The following DNAJB2 variants were observed in gnomAD, a reference collection of about 807,000 sequenced individuals.
DNAJB2 encodes the protein dnaJ homolog subfamily B member 2.
DNAJB2 carries 19 observed loss-of-function variants against 33.3 expected under a neutral mutation model. The ratio of observed to expected loss-of-function variants is 0.57; its 90% CI spans 0.40 to 0.84. The LOEUF is 0.84. DNAJB2 is among the 40% of genes least tolerant of loss of function. The pLI, the probability that DNAJB2 is intolerant of heterozygous loss-of-function variation, is 0.00. For missense variants in DNAJB2, 368 were observed against 430.9 expected (o/e 0.85, Z 1.29); for synonymous variants, 172 against 164.6 (o/e 1.04, Z -0.34).
intron 2 of DNAJB2, 84 bp from the exon 3 acceptor site, chr2:219,280,494 A>G (rs1475137553): frequency 1.3e-5 from 14 of 1,081,264 alleles, no homozygotes; most frequent in Non-Finnish European, 1.9e-5. Context: ...TGATAGGCTA[A>G]TGGGAAAACA....
rs2125083744 is a variant in DNAJB2 at position 219,284,751 on chromosome 2, A to G, written c.739A>G (p.Ser247Gly). The change falls in exon 9 of 9, where the codon AGC becomes GGC. Residue 247 changes from serine (S) to glycine (G), a missense_variant. Transcript: ENST00000336576. Reference protein sequence around the residue: ...QQTPASCPLDSDLSEDEDLQL... With the variant: ...QQTPASCPLDGDLSEDEDLQL... ...GACCCCTGCCTCATGCCCCTTGGAC[A>G]GCGACCTCTCTGAGGATGAGGACCT... 3 of 1,613,584 alleles carry G rather than the reference A, an allele frequency of 1.9e-6. No homozygotes were observed. Among genetic ancestry groups the G allele is most frequent in the Non-Finnish European group, 1.7e-6 (2 of 1,179,976 alleles).
intron 5 of DNAJB2, 181 bp from the exon 6 acceptor site, chr2:219,282,652 GAATT>G (rs770987622): frequency 8.0e-5 from 43 of 538,512 alleles, no homozygotes; most frequent in Non-Finnish European, 1.2e-4. Flanking sequence ...ATTGTGGACA[GAATT>G]AACCAGTGAG....
chr2:219,284,539 C>A, intron 8 of DNAJB2, 93 bp from the exon 9 acceptor site: 1 of 1,457,340 alleles, frequency 6.9e-7, no homozygotes, highest in African/African-American at 1.4e-5. Context: ...AAATAAGAGA[C>A]TCTAAGTGGT....
At chr2:219,280,740 C>T in intron 3 of DNAJB2, 53 bp downstream of exon 3, 2 of 1,334,182 alleles carry the variant, frequency 1.5e-6, no homozygotes, top group African/African-American at 1.5e-5. Context: ...CTTCATGCCC[C>T]AGCTCACATT....
intron 5 of DNAJB2, 47 bp downstream of exon 5, chr2:219,282,108 G>A: frequency 6.2e-7 from 1 of 1,613,758 alleles, no homozygotes; most frequent in Non-Finnish European, 8.5e-7. Context: ...TCCCCCTCCA[G>A]GCCTGTCCTT....
Position 219,285,186 on chromosome 2 carries a change from G to A in DNAJB2, c.*199G>A. ...CTCAGCCCAGGGCTGATAGGTCCCTGGTGAAGCCCAGGGTGGGGGGTGTCA... is the reference window on the plus strand; with the variant it reads ...CTCAGCCCAGGGCTGATAGGTCCCTAGTGAAGCCCAGGGTGGGGGGTGTCA... On this transcript the variant is annotated 3_prime_UTR_variant, in exon 9 of 9. Transcript: ENST00000336576. 7.9e-7 allele frequency: 1 copy of A among 1,263,466 alleles called. No individual in the cohort carries two copies. Among genetic ancestry groups the A allele is most frequent in the East Asian group, 3.0e-5 (1 of 33,670 alleles). The allele number at this position is 1,263,466 out of a possible 1,614,324, so 78.3% of individuals were successfully genotyped here. A position where few individuals can be genotyped will look rare whatever the true frequency, so the allele number is the denominator to read the frequency against.
rs541289584 is a variant in DNAJB2 at position 219,282,054 on chromosome 2, G to C, written c.345G>C (p.Glu115Asp). 8.1e-6 allele frequency: 13 copies of C among 1,614,026 alleles called. No individual in the cohort carries two copies. Among genetic ancestry groups the C allele is most frequent in the African/African-American group, 1.3e-5 (1 of 74,930 alleles). Residue 115 changes from glutamate to aspartate, a missense_variant, in exon 5 of 9, where the codon GAG becomes GAC. Transcript: ENST00000336576. ...EFFGSGDPFA[E>D]LFDDLGPFSE... ...TTGGGAGTGGAGACCCTTTTGCAGA[G>C]CTCTTTGGTGAGTGGACTCTGGAAG...
At position 219,286,485 on chromosome 2, in the gene DNAJB2, C is replaced by G. The variant is rs1048877648; in HGVS notation, c.*1498C>G. On this transcript the variant is annotated 3_prime_UTR_variant, in exon 9 of 9. Coordinates refer to ENST00000336576, the MANE Select transcript of DNAJB2 (RefSeq NM_006736.6). ...GGCAGAGCCGCGCAGCACCTGGGAGCGGTACCTTTCCCTTGGGCAGCCTGG... is the reference window on the plus strand; with the variant it reads ...GGCAGAGCCGCGCAGCACCTGGGAGGGGTACCTTTCCCTTGGGCAGCCTGG... The G allele has an allele frequency of 1.3e-5, 2 of 155,184 alleles. No homozygotes were observed. Among genetic ancestry groups the G allele is most frequent in the African/African-American group, 4.8e-5 (2 of 41,568 alleles). The allele number at this position is 155,184 out of a possible 1,614,324, so 9.6% of individuals were successfully genotyped here.
At position 219,279,881 on chromosome 2, in the gene DNAJB2, T is replaced by A; in HGVS notation, c.48T>A (p.Ala16=). 2.5e-6 allele frequency: 4 copies of A among 1,613,822 alleles called. No individual in the cohort carries two copies. Among genetic ancestry groups the A allele is most frequent in the Non-Finnish European group, 3.4e-6 (4 of 1,179,942 alleles). ...TAGACGTGCCGCGAAGTGCGTCCGC[T>A]GATGACATCAAGAAGGCGTAAGTGC... is the stretch of plus-strand genomic sequence containing the variant. ...EILDVPRSAS[A]DDIKKAYRRK... is the part of the protein sequence containing the mutation. The change falls in exon 2 of 9, where the codon GCT becomes GCA. Residue 16 remains alanine (A), a synonymous_variant. Coordinates refer to ENST00000336576, the MANE Select transcript of DNAJB2 (RefSeq NM_006736.6). The surrounding 1 kb of genome is among the most constrained non-coding windows in gnomAD (Gnocchi z 4.9).
At chr2:219,283,633 G>C in intron 8 of DNAJB2, 144 bp downstream of exon 8, 1 of 806,478 alleles carries the variant, frequency 1.2e-6, no homozygotes. Flanking sequence ...ATCAGAGATG[G>C]CAATGTCGGG....
Position 219,285,882 on chromosome 2 carries a change from CAG to C in DNAJB2, c.*896_*897del, listed in dbSNP as rs1402472039. On this transcript the variant is annotated 3_prime_UTR_variant, in exon 9 of 9. Transcript: ENST00000336576. The stretch of plus-strand genomic sequence containing the variant: ...TGCTTCCCTACCACAAATCAGGGCT[CAG>C]GGAGAGGCCATGCGGCCAGCCCAGG... 9.7e-6 allele frequency: 15 copies of C among 1,544,742 alleles called. No homozygotes were observed. The highest frequency in any genetic ancestry group is 3.5e-4 in the Middle Eastern group (2 of 5,634).
chr2:219,280,668 A>G lies in DNAJB2; in HGVS notation c.156A>G (p.Ala52=), dbSNP rs748638654. ...AEKKFKEVAE[A]YEVLSDKHKR... ...AGAAATTTAAGGAGGTGGCCGAGGCATATGAAGTGCTGTCTGACAGTAAGG... is the reference window on the plus strand; with the variant it reads ...AGAAATTTAAGGAGGTGGCCGAGGCGTATGAAGTGCTGTCTGACAGTAAGG... The change falls in exon 3 of 9, where the codon GCA becomes GCG. Residue 52 remains alanine, a synonymous_variant. Transcript: ENST00000336576. 6.2e-7 allele frequency: 1 copy of G among 1,613,876 alleles called. No homozygotes were observed. The highest frequency in any genetic ancestry group is 8.5e-7 in the Non-Finnish European group (1 of 1,179,950).
chr2:219,284,978 C>T lies in DNAJB2; in HGVS notation c.966C>T (p.Leu322=). ...CAGAGGAGAAGGCCTCTCGCTGCCT[C>T]ATCCTCTGAACACCGGGCCCAACCT... ...PSPEEKASRC[L]IL Residue 322 remains leucine, a synonymous_variant, in exon 9 of 9, where the codon CTC becomes CTT. Transcript: ENST00000336576. 1 of 1,510,978 alleles carries T rather than the reference C, an allele frequency of 6.6e-7. No individual in the cohort carries two copies. The highest frequency in any genetic ancestry group is 1.3e-5 in the South Asian group (1 of 76,624). The allele number at this position is 1,510,978 out of a possible 1,614,324, so 93.6% of individuals were successfully genotyped here. A position where few individuals can be genotyped will look rare whatever the true frequency, so the allele number is the denominator to read the frequency against.
In DNAJB2 at chr2:219,281,543, G is replaced by A. The variant is rs944767236; in HGVS notation, c.176-175G>A. On this transcript the variant is annotated intron_variant, in intron 3 of 8. Transcript: ENST00000336576. ...CCAGATGAGAAGAGGCCAGCTGTGT[G>A]AAAGGCTGAGTTGCTGCCTAAACCT... 5.6e-6 allele frequency: 4 copies of A among 712,464 alleles called. No individual in the cohort carries two copies. The African/African-American group carries it at 7.1e-5, about 13-fold the overall frequency. The allele number at this position is 712,464 out of a possible 1,614,324, so 44.1% of individuals were successfully genotyped here.
At chr2:219,280,011 C>G (rs1480981740) in intron 2 of DNAJB2, 113 bp downstream of exon 2, 2 of 1,198,910 alleles carry the variant, frequency 1.7e-6, no homozygotes, top group Non-Finnish European at 2.4e-6. Flanking sequence ...TTAGAAAGCA[C>G]TGGGGTGCTT....
In DNAJB2 at chr2:219,281,887, C is replaced by CG. The variant is rs3832110; in HGVS notation, c.230-51dup. ...TGGCTGTGCCTTAGGTGAGGTCCCC[C>CG]GCTCAGGGCAGGATGCATGCCCTAA... On this transcript the variant is annotated intron_variant, in intron 4 of 8. Transcript: ENST00000336576. 397,640 of 1,610,312 alleles carry CG rather than the reference C, an allele frequency of 0.25. 66,334 individuals carry two copies. The highest frequency in any genetic ancestry group is 0.69 in the African/African-American group (51,749 of 74,778).
chr2:219,282,208 C>A, intron 5 of DNAJB2, 147 bp downstream of exon 5: 3 of 1,325,460 alleles, frequency 2.3e-6, no homozygotes, highest in Non-Finnish European at 3.2e-6. Flanking sequence ...CCAGTGAGAG[C>A]CGGGACAGAA....
rs375470108 is a variant in DNAJB2 at position 219,280,700 on chromosome 2, G to T, written c.175+13G>T. 2.5e-6 allele frequency: 4 copies of T among 1,593,626 alleles called. No homozygotes were observed. The highest frequency in any genetic ancestry group is 1.3e-5 in the African/African-American group (1 of 74,476). ...GTGCTGTCTGACAGTAAGGGCCGGG[G>T]TCAGGCAGGACCCAGCACATCACCC... On this transcript the variant is annotated intron_variant, in intron 3 of 8. Coordinates refer to ENST00000336576, the MANE Select transcript of DNAJB2 (RefSeq NM_006736.6).
At chr2:219,283,958 C>G (rs1951929899) in intron 8 of DNAJB2, among the ~76,000 whole-genome samples, 1 of 152,208 alleles carries the variant, frequency 6.6e-6, no homozygotes, top group Non-Finnish European at 1.5e-5. Flanking sequence ...CCTGCAACAC[C>G]ATGCTGTGCA....
Sources: allele counts gnomAD v4.1 joint callset (sites outside exome capture counted in the v4.1 genomes callset), GRCh38; gene constraint gnomAD v4.1.1; non-coding constraint Gnocchi (gnomAD v3.1); transcripts MANE v1.5; gene names NCBI Gene and HGNC (gene_info 2026-07-23, HGNC 2026-07-21).